PRDM5: variants seen among roughly 807,000 people sequenced by gnomAD.
PRDM5 encodes the protein PR domain zinc finger protein 5.
In PRDM5, 56 loss-of-function variants were observed where a neutral mutation model predicts 81.2. The ratio of observed to expected loss-of-function variants is 0.69; its 90% CI spans 0.56 to 0.86. The LOEUF is 0.86. Ranked by LOEUF, PRDM5 falls within the 40% of genes least tolerant of loss-of-function variation. PRDM5 has a pLI of 0.00. For synonymous variants in PRDM5, 267 were observed against 256.4 expected (o/e 1.04, Z -0.39); for missense variants, 697 against 770.1 (o/e 0.91, Z 1.12).
intron 13 of PRDM5, 32 bp from the exon 14 acceptor site, chr4:120,754,670 A>G: frequency 7.0e-7 from 1 of 1,437,690 alleles, no homozygotes; most frequent in Non-Finnish European, 9.8e-7. Flanking sequence ...ATGTCAGAAA[A>G]ACATGAAGTA....
chr4:120,902,155 G>A (rs1765299571), intron 2 of PRDM5, among the ~76,000 whole-genome samples: 1 of 152,182 alleles, frequency 6.6e-6, no homozygotes, highest in Admixed American at 6.5e-5. Context: ...GAGCTGTTTG[G>A]AGGATTCCAG....
At chr4:120,839,023 G>A (rs944248459) in intron 3 of PRDM5, 48 of 560,440 alleles carry the variant, frequency 8.6e-5, no homozygotes, top group Middle Eastern at 4.7e-4. Context: ...CAGGCACACC[G>A]CAAGTAGCTT....
At position 120,693,728 on chromosome 4, in the gene PRDM5, C is replaced by A. The variant is rs1387541727; in HGVS notation, c.*1383G>T. ...ACCTTTCTCCTTAACTCATTAGAAC[C>A]AAATAACTTCCTTAAAACTATACTT... On this transcript the variant is annotated 3_prime_UTR_variant, in exon 16 of 16. Transcript: ENST00000264808. 1 of 152,054 alleles carries A rather than the reference C, an allele frequency of 6.6e-6. No homozygotes were observed. The highest frequency in any genetic ancestry group is 1.5e-5 in the Non-Finnish European group (1 of 67,988). 9.4% of individuals were successfully genotyped at this position (152,054 alleles called of 1,614,324 possible). A position where few individuals can be genotyped will look rare whatever the true frequency, so the allele number is the denominator to read the frequency against.
intron 14 of PRDM5, among the ~76,000 whole-genome samples, chr4:120,723,883 T>A: frequency 6.6e-6 from 1 of 150,578 alleles, no homozygotes; most frequent in Admixed American, 6.6e-5. Flanking sequence ...AAATTGCTAA[T>A]GAAAATCAAA....
chr4:120,837,417 G>C (rs1757487068), intron 3 of PRDM5: 1 of 152,156 alleles, frequency 6.6e-6, no homozygotes, highest in African/African-American at 2.4e-5. Context: ...TATGTCAACA[G>C]AATTAAAAGT....
At position 120,860,061 on chromosome 4, in the gene PRDM5, ATTACCT is replaced by A. The variant is rs1245689730; in HGVS notation, c.178-6527_178-6522del. Among the ~76,000 whole-genome samples the A allele has an allele frequency of 5.3e-5, 8 of 152,328 alleles. No homozygotes were observed. The East Asian group carries it at 1.5e-3, about 29-fold the overall frequency. On this transcript the variant is annotated intron_variant, in intron 2 of 15. Transcript: ENST00000264808. ...TTGCCACACCTGACATTTAGCTGAG[ATTACCT>A]TTATAAACAATCCATATTAAGAAAG... is the stretch of plus-strand genomic sequence containing the variant.
At chr4:120,866,802 G>A (rs1761238710) in intron 2 of PRDM5, among the ~76,000 whole-genome samples, 2 of 152,060 alleles carry the variant, frequency 1.3e-5, no homozygotes, top group Admixed American at 6.6e-5. Context: ...TTTGTATAAT[G>A]CCTTCCCATT....
At chr4:120,705,504 C>A (rs1339766807) in intron 15 of PRDM5, among the ~76,000 whole-genome samples, 3 of 151,960 alleles carry the variant, frequency 2.0e-5, no homozygotes, top group African/African-American at 7.3e-5. Context: ...GATGCAAAGG[C>A]CAAGATGTAG....
chr4:120,775,008 A>T (rs1747943425), intron 13 of PRDM5, among the ~76,000 whole-genome samples: 1 of 150,266 alleles, frequency 6.7e-6, no homozygotes, highest in African/African-American at 2.4e-5. Context: ...ATATACACAA[A>T]CACATATATA....
At chr4:120,727,941 G>GAAAAAAAAAAAAAAAAAA (rs559287282) in intron 14 of PRDM5, among the ~76,000 whole-genome samples, 1 of 115,856 alleles carries the variant, frequency 8.6e-6, no homozygotes. Flanking sequence ...ATCTCAGTAA[G>GAAAAAAAAAAAAAAAAAA]AAAAAAAAAA....
chr4:120,725,710 T>C (rs1739294012), intron 14 of PRDM5, among the ~76,000 whole-genome samples: 1 of 132,522 alleles, frequency 7.5e-6, no homozygotes, highest in Admixed American at 7.6e-5. Context: ...AACAAGAAAA[T>C]GCCAACTCCG....
intron 1 of PRDM5, among the ~76,000 whole-genome samples, chr4:120,916,013 G>C (rs1057060922): frequency 3.3e-5 from 5 of 152,150 alleles, no homozygotes; most frequent in Admixed American, 1.3e-4. Context: ...AAAATTCATT[G>C]CCAGAAGACA....
chr4:120,693,273 T>C lies in PRDM5; in HGVS notation c.*1838A>G, dbSNP rs950002360. On this transcript the variant is annotated 3_prime_UTR_variant, in exon 16 of 16. Transcript: ENST00000264808. ...TAATCGGGATATAAAGCATCCCATA[T>C]AGAGAAAGCAGCATTCAAAGAAATA... 6 of 152,124 alleles carry C rather than the reference T, an allele frequency of 3.9e-5. No homozygotes were observed. Among genetic ancestry groups the C allele is most frequent in the East Asian group, 1.9e-4 (1 of 5,190 alleles). 9.4% of individuals were successfully genotyped at this position (152,124 alleles called of 1,614,324 possible).
At chr4:120,919,645 A>G (rs562650693) in intron 1 of PRDM5, among the ~76,000 whole-genome samples, 1 of 152,110 alleles carries the variant, frequency 6.6e-6, no homozygotes, top group African/African-American at 2.4e-5. Context: ...TTTTTATTGG[A>G]TGTATACTTA....
At chr4:120,846,405 G>C (rs1758656273) in intron 3 of PRDM5, among the ~76,000 whole-genome samples, 1 of 152,200 alleles carries the variant, frequency 6.6e-6, no homozygotes, top group Admixed American at 6.5e-5. Context: ...TCAATCAGCA[G>C]CCATCAACAT....
intron 14 of PRDM5, among the ~76,000 whole-genome samples, chr4:120,739,705 T>A (rs918072936): frequency 1.3e-5 from 2 of 151,476 alleles, no homozygotes; most frequent in Non-Finnish European, 2.9e-5. Context: ...TCAAAGCCTA[T>A]CAAAATCCAG....
Position 120,871,358 on chromosome 4 carries a change from CT to C in PRDM5, c.178-17819del, listed in dbSNP as rs1761765891. On this transcript the variant is annotated intron_variant, in intron 2 of 15. Coordinates refer to ENST00000264808, the MANE Select transcript of PRDM5 (RefSeq NM_018699.4). ...ACTGACAGGTCACAGCTTCCAGACC[CT>C]TTCTGGGTATGGCTCCCTGTGGCAC... Among the ~76,000 whole-genome samples, 3 of 152,188 alleles carry C rather than the reference CT, an allele frequency of 2.0e-5. No homozygotes were observed. In the South Asian group the frequency reaches 6.2e-4, roughly 31 times the overall value.
chr4:120,740,236 A>T (rs1741713529), intron 14 of PRDM5, among the ~76,000 whole-genome samples: 1 of 152,228 alleles, frequency 6.6e-6, no homozygotes, highest in Non-Finnish European at 1.5e-5. Context: ...AACAGTGACA[A>T]TGAGGCATAT....
At position 120,748,167 on chromosome 4, in the gene PRDM5, C is replaced by A. The variant is rs150924112; in HGVS notation, c.1623+6386G>T. Among the ~76,000 whole-genome samples, 69 of 152,308 alleles carry A rather than the reference C, an allele frequency of 4.5e-4. No homozygotes were observed. In the East Asian group the frequency reaches 0.013, roughly 28 times the overall value. On this transcript the variant is annotated intron_variant, in intron 14 of 15. Transcript: ENST00000264808. ...TTTGAGGCACTGGACACAAAGAGTT[C>A]AGCAACTGGCATTTCTCTACCTCAG... is the stretch of plus-strand genomic sequence containing the variant.
Sources: allele counts gnomAD v4.1 joint callset (sites outside exome capture counted in the v4.1 genomes callset), GRCh38; gene constraint gnomAD v4.1.1; transcripts MANE v1.5; gene names NCBI Gene and HGNC (gene_info 2026-07-23, HGNC 2026-07-21).